The following STARD9 variants were observed in gnomAD, a reference collection of about 807,000 sequenced individuals.
The protein encoded by STARD9 is StAR related lipid transfer domain containing 9, also known as stAR-related lipid transfer protein 9.
A neutral mutation model predicts 399.8 loss-of-function variants in STARD9; 346 were observed. That is an observed-to-expected ratio of 0.87 (90% CI 0.79 to 0.95). The LOEUF is 0.95. STARD9 is among the 40% of genes least tolerant of loss of function. The pLI is 0.00. For synonymous variants in STARD9, 2,203 were observed against 2,143.5 expected (o/e 1.03, Z -0.77); for missense variants, 5,832 against 5,667.5 (o/e 1.03, Z -0.93).
chr15:42,600,810 C>T (rs1212126748), intron 3 of STARD9, among the ~76,000 whole-genome samples: 1 of 151,778 alleles, frequency 6.6e-6, no homozygotes, highest in Non-Finnish European at 1.5e-5. Context: ...CAGACATGAG[C>T]CACAGTGCCA....
rs1030156121 is a variant in STARD9, at chr15:42,692,880, A to G, written c.11302A>G (p.Thr3768Ala). 4.6e-6 allele frequency: 7 copies of G among 1,537,200 alleles called. No individual in the cohort carries two copies. The highest frequency in any genetic ancestry group is 6.1e-6 in the Non-Finnish European group (7 of 1,146,900). The change falls in exon 23 of 33, where the codon ACC becomes GCC. Residue 3768 changes from threonine to alanine, a missense_variant. Physicochemically the swap from Thr to Ala is moderately conservative, Grantham distance 58 (BLOSUM62 0). Around this residue, in one of 2 missense-constraint regions of STARD9, gnomAD observed 5,828 missense variants for 5,651.1 expected, o/e 1.03. Transcript: ENST00000290607. Reference sequence around the variant, plus strand: ...GATCCTTGAAGGGCTAGGCTCAGATACCTCGACTGTGTCTCAAGAAGAGGG... The same window carrying G: ...GATCCTTGAAGGGCTAGGCTCAGATGCCTCGACTGTGTCTCAAGAAGAGGG... ...NVILEGLGSD[T>A]STVSQEEGDV... is the part of the protein sequence containing the mutation.
chr15:42,617,793 G>A (rs545866797), intron 3 of STARD9, among the ~76,000 whole-genome samples: 1 of 151,766 alleles, frequency 6.6e-6, no homozygotes, highest in South Asian at 2.1e-4. Context: ...TTGCTCTTTT[G>A]TTCAGGCTGG....
Position 42,691,808 on chromosome 15 carries a change from T to C in STARD9, c.10230T>C (p.Pro3410=), listed in dbSNP as rs1450199531. The C allele has an allele frequency of 2.6e-6, 4 of 1,537,108 alleles. No homozygotes were observed. The highest frequency in any genetic ancestry group is 3.5e-6 in the Non-Finnish European group (4 of 1,146,914). The part of the protein sequence containing the change: ...LKPATPPYPM[P]STLSHMPTPD... ...CTGCCACCCCTCCTTATCCAATGCCTTCCACTCTCTCACACATGCCAACCC... is the reference window on the plus strand; with the variant it reads ...CTGCCACCCCTCCTTATCCAATGCCCTCCACTCTCTCACACATGCCAACCC... The change falls in exon 23 of 33, where the codon CCT becomes CCC. Residue 3410 remains proline (P), a synonymous_variant. Transcript: ENST00000290607.
rs1392614025 is a variant in STARD9 at position 42,681,609 on chromosome 15, G to T, written c.2062G>T (p.Glu688Ter). Residue 688 changes from glutamate to a stop codon, truncating the protein, a stop_gained, in exon 21 of 33, where the codon GAA becomes TAA. Coordinates refer to ENST00000290607, the MANE Select transcript of STARD9 (RefSeq NM_020759.3). LOFTEE classifies it high-confidence loss of function. ...AGCTTGGATTAGCCAGCAGATTAAA[G>T]AAAGTAGGTGTCCACCACTTAATGT... The part of the protein sequence containing the change: ...DQAWISQQIK[E>*]NQQCLLREET... 1 of 1,535,678 alleles carries T rather than the reference G, an allele frequency of 6.5e-7. No homozygotes were observed. The highest frequency in any genetic ancestry group is 1.4e-5 in the African/African-American group (1 of 73,006).
In STARD9 at chr15:42,643,072, TATAAA is replaced by T. The variant is rs367902230; in HGVS notation, c.559+4270_559+4274del. Among the ~76,000 whole-genome samples, 603 of 152,156 alleles carry T rather than the reference TATAAA, an allele frequency of 4.0e-3. 7 individuals are homozygous for T. Among genetic ancestry groups the T allele is most frequent in the African/African-American group, 0.014 (577 of 41,524 alleles). On this transcript the variant is annotated intron_variant, in intron 7 of 32. Transcript: ENST00000290607. ...CCAATCTTTGGTATACTAATACATT[TATAAA>T]ATAAAATAAGGATGAATTACTAGAA... is the stretch of plus-strand genomic sequence containing the variant.
intron 8 of STARD9, among the ~76,000 whole-genome samples, chr15:42,651,579 T>C (rs896698013): frequency 1.3e-5 from 2 of 152,212 alleles, no homozygotes; most frequent in African/African-American, 4.8e-5. Flanking sequence ...TAACATTTCA[T>C]GTTGTAAGTT....
At chr15:42,625,357 G>A (rs2059181335) in intron 3 of STARD9, among the ~76,000 whole-genome samples, 2 of 147,866 alleles carry the variant, frequency 1.4e-5, no homozygotes, top group South Asian at 4.3e-4. Flanking sequence ...TGGAGACAGA[G>A]TCTGACTCTG....
At chr15:42,658,910 G>A (rs1173209369) in intron 9 of STARD9, among the ~76,000 whole-genome samples, 3 of 152,160 alleles carry the variant, frequency 2.0e-5, no homozygotes, top group East Asian at 3.9e-4. Flanking sequence ...ATCGGGGGTC[G>A]AGACCAGCCT....
intron 3 of STARD9, among the ~76,000 whole-genome samples, chr15:42,620,162 A>G (rs1308987289): frequency 6.6e-6 from 1 of 152,200 alleles, no homozygotes; most frequent in Non-Finnish European, 1.5e-5. Flanking sequence ...CAGTTGACCT[A>G]AAAGGAAGAA....
chr15:42,624,340 TATAAC>T (rs535868330), intron 3 of STARD9, among the ~76,000 whole-genome samples: 500 of 152,226 alleles, frequency 3.3e-3, no homozygotes, highest in Middle Eastern at 6.8e-3. Flanking sequence ...ATGTCTATAA[TATAAC>T]AAAACAAGGT....
chr15:42,711,943 C>G (rs1285237016), intron 26 of STARD9, among the ~76,000 whole-genome samples: 1 of 145,566 alleles, frequency 6.9e-6, no homozygotes, highest in Non-Finnish European at 1.5e-5. Flanking sequence ...GTGTTTCTCT[C>G]CGTCCTCACC....
chr15:42,716,882 C>A, intron 27 of STARD9, 45 bp from the exon 28 acceptor site: 1 of 1,536,394 alleles, frequency 6.5e-7, no homozygotes, highest in Non-Finnish European at 8.7e-7. Context: ...GTCCTGAGGC[C>A]CTGATGTTCA....
Position 42,689,353 on chromosome 15 carries a change from G to A in STARD9, c.7775G>A (p.Gly2592Asp). 6.5e-7 allele frequency: 1 copy of A among 1,537,284 alleles called. No individual in the cohort carries two copies. Among genetic ancestry groups the A allele is most frequent in the Non-Finnish European group, 8.7e-7 (1 of 1,146,920 alleles). ...LEPECSSRVA[G>D]RPQCKQIDQS... Reference sequence around the variant, plus strand: ...CCCGAATGTTCTTCAAGGGTTGCTGGCAGGCCTCAGTGTAAACAAATAGAC... The same window carrying A: ...CCCGAATGTTCTTCAAGGGTTGCTGACAGGCCTCAGTGTAAACAAATAGAC... Residue 2592 changes from glycine (G) to aspartate (D), a missense_variant, in exon 23 of 33, where the codon GGC (glycine) becomes GAC (aspartate). By Grantham distance (94) the Gly-to-Asp change is moderately conservative. Transcript: ENST00000290607.
intron 3 of STARD9, among the ~76,000 whole-genome samples, chr15:42,586,411 G>A (rs1053114119): frequency 6.6e-6 from 1 of 152,168 alleles, no homozygotes; most frequent in African/African-American, 2.4e-5. Flanking sequence ...CTTAGCTCTC[G>A]GTCAAGTTTC....
intron 4 of STARD9, among the ~76,000 whole-genome samples, chr15:42,637,686 T>C (rs558776330): frequency 6.6e-6 from 1 of 152,312 alleles, no homozygotes; most frequent in Admixed American, 6.5e-5. Flanking sequence ...CTTATGGTGA[T>C]ACATATTCCT....
chr15:42,713,039 A>G (rs1004936397), intron 26 of STARD9, among the ~76,000 whole-genome samples: 1 of 152,088 alleles, frequency 6.6e-6, no homozygotes, highest in Admixed American at 6.5e-5. Context: ...CAATTGGGGG[A>G]GCATTGCTAT....
At chr15:42,600,862 C>CTTTTTTTT (rs58223128) in intron 3 of STARD9, among the ~76,000 whole-genome samples, 1 of 128,118 alleles carries the variant, frequency 7.8e-6, no homozygotes, top group Admixed American at 7.8e-5. Flanking sequence ...GTTTTTCTTT[C>CTTTTTTTT]TTTTTTTTTT....
At chr15:42,644,242 C>T (rs189287365) in intron 7 of STARD9, among the ~76,000 whole-genome samples, 73 of 152,200 alleles carry the variant, frequency 4.8e-4, no homozygotes, top group African/African-American at 1.7e-3. Context: ...GCCTGTAATC[C>T]CAGCACTTTG....
At position 42,694,004 on chromosome 15, in the gene STARD9, T is replaced by C. The variant is rs1213696751; in HGVS notation, c.12426T>C (p.Phe4142=). The change falls in exon 23 of 33, where the codon TTT becomes TTC. Residue 4142 remains phenylalanine (F), a synonymous_variant. Coordinates refer to ENST00000290607, the MANE Select transcript of STARD9 (RefSeq NM_020759.3). ...GGGACCTCCCGGTGCATAACAAATT[T>C]AGTAACTGGTGTGGGGTTCAGAAGG... The part of the protein sequence containing the change: ...SLRDLPVHNK[F]SNWCGVQKGS... The C allele has an allele frequency of 2.0e-6, 3 of 1,518,620 alleles. No homozygotes were observed. The South Asian group carries it at 3.7e-5, about 19-fold the overall frequency. The allele number at this position is 1,518,620 out of a possible 1,614,324, so 94.1% of individuals were successfully genotyped here.
Sources: allele counts gnomAD v4.1 joint callset (sites outside exome capture counted in the v4.1 genomes callset), GRCh38; gene constraint gnomAD v4.1.1; regional missense constraint gnomAD v4.1.1; transcripts MANE v1.5; gene names NCBI Gene and HGNC (gene_info 2026-07-23, HGNC 2026-07-21).